Variants in DKKL1 observed in about 807,000 individuals in gnomAD.
DKKL1 encodes dickkopf like acrosomal protein 1, also known as dickkopf-like protein 1.
In DKKL1, 11 loss-of-function variants were observed where a neutral mutation model predicts 16.5. The observed-to-expected ratio is 0.67, with a 90% CI of 0.42 to 1.10. The LOEUF is 1.10. DKKL1 is among the 50% of genes least tolerant of loss of function. DKKL1 has a pLI of 0.00. For missense variants in DKKL1, 320 were observed against 308.1 expected (o/e 1.04, Z -0.29); for synonymous variants, 119 against 133.2 (o/e 0.89, Z 0.73).
At chr19:49,370,891 A>G (rs758165022) in intron 4 of DKKL1, 1 of 152,230 alleles carries the variant, frequency 6.6e-6, no homozygotes, top group African/African-American at 2.4e-5. Flanking sequence ...TTGCTTCGCC[A>G]TTCTTGTAGC....
chr19:49,365,718 C>T (rs1600833699), intron 3 of DKKL1, 69 bp downstream of exon 3: 1 of 1,598,390 alleles, frequency 6.3e-7, no homozygotes, highest in East Asian at 2.2e-5. Context: ...CCTCGTGCTG[C>T]AGTATCTGTT....
intron 4 of DKKL1, chr19:49,369,329 GTTTGTTT>G (rs1973382480): frequency 6.6e-6 from 1 of 151,670 alleles, no homozygotes; most frequent in Non-Finnish European, 1.5e-5. Flanking sequence ...ATTTTTTTTT[GTTTGTTT>G]TTTGTTTTTT....
At chr19:49,372,977 G>A (rs1467172753) in intron 4 of DKKL1, among the ~76,000 whole-genome samples, 5 of 151,678 alleles carry the variant, frequency 3.3e-5, no homozygotes, top group African/African-American at 1.2e-4. Context: ...CTACAGCCTG[G>A]GCAACAAGAG....
chr19:49,365,792 G>A lies in DKKL1; in HGVS notation c.325-1G>A, dbSNP rs1429419372. 6.2e-7 allele frequency: 1 copy of A among 1,613,724 alleles called. No individual in the cohort carries two copies. Among genetic ancestry groups the A allele is most frequent in the East Asian group, 2.2e-5 (1 of 44,872 alleles). ...CTCACTCTCTCATCGGATCCTCACA[G>A]ATGACCGACAACAAGACAGGAGAGG... On this transcript the variant is annotated splice_acceptor_variant, in intron 3 of 4. Transcript: ENST00000221498. LOFTEE classifies it high-confidence loss of function.
At chr19:49,373,425 G>A (rs1973587145) in intron 4 of DKKL1, among the ~76,000 whole-genome samples, 1 of 152,152 alleles carries the variant, frequency 6.6e-6, no homozygotes, top group Non-Finnish European at 1.5e-5. Flanking sequence ...GGTATTACAG[G>A]TTAGAATTTC....
chr19:49,374,666 C>A, intron 4 of DKKL1, 51 bp from the exon 5 acceptor site: 20 of 1,498,890 alleles, frequency 1.3e-5, no homozygotes, highest in Non-Finnish European at 1.8e-5. Context: ...GACTGACCAT[C>A]CTGGGGTGCT....
At chr19:49,372,569 C>T (rs1413350650) in intron 4 of DKKL1, among the ~76,000 whole-genome samples, 1 of 152,022 alleles carries the variant, frequency 6.6e-6, no homozygotes, top group Admixed American at 6.6e-5. Flanking sequence ...TGGCAGGCGC[C>T]TGTAGTCCCA....
At chr19:49,371,476 G>GT (rs1336263633) in intron 4 of DKKL1, among the ~76,000 whole-genome samples, 4 of 148,848 alleles carry the variant, frequency 2.7e-5, no homozygotes, top group South Asian at 2.1e-4. Context: ...TGTTTTACTA[G>GT]TTTTTTTTGG....
At chr19:49,362,630 G>A (rs1246745369), upstream of DKKL1, among the ~76,000 whole-genome samples, 2 of 152,072 alleles carry the variant, frequency 1.3e-5, no homozygotes, top group East Asian at 3.9e-4. Context: ...CGGACTCCAA[G>A]TCGGAGGGAA....
At chr19:49,370,750 A>G (rs925866313) in intron 4 of DKKL1, 2 of 152,180 alleles carry the variant, frequency 1.3e-5, no homozygotes, top group Non-Finnish European at 2.9e-5. Context: ...GGCCCCATGT[A>G]ATGTGAAGGC....
At chr19:49,368,157 C>T (rs530053189) in intron 4 of DKKL1, among the ~76,000 whole-genome samples, 89 of 151,972 alleles carry the variant, frequency 5.9e-4, no homozygotes, top group Non-Finnish European at 1.0e-3. Context: ...TACTAAAATA[C>T]GAAAAATTAG....
At chr19:49,360,621 GGT>G (rs1031688856), upstream of DKKL1, among the ~76,000 whole-genome samples, 51 of 152,154 alleles carry the variant, frequency 3.4e-4, 1 homozygote, top group East Asian at 9.7e-3. Flanking sequence ...GGGGAAGGAA[GGT>G]GTGGGTGAAA....
chr19:49,371,831 C>T (rs1973503875), intron 4 of DKKL1, among the ~76,000 whole-genome samples: 1 of 149,662 alleles, frequency 6.7e-6, no homozygotes, highest in Admixed American at 6.7e-5. Context: ...TCCATGTGTT[C>T]TCATTGTTCA....
At chr19:49,373,970 G>C (rs1973617381) in intron 4 of DKKL1, among the ~76,000 whole-genome samples, 1 of 151,630 alleles carries the variant, frequency 6.6e-6, no homozygotes, top group South Asian at 2.1e-4. Flanking sequence ...ACTCAAAGCT[G>C]TCCTTGAAAG....
At chr19:49,368,417 T>C (rs1376405534) in intron 4 of DKKL1, among the ~76,000 whole-genome samples, 2 of 150,670 alleles carry the variant, frequency 1.3e-5, no homozygotes, top group East Asian at 1.9e-4. Context: ...GACGAGGAGG[T>C]TGAGTCTAAA....
chr19:49,370,204 T>C (rs887812826), intron 4 of DKKL1: 6 of 152,212 alleles, frequency 3.9e-5, no homozygotes, highest in South Asian at 2.1e-4. Flanking sequence ...AAAGGTGCCA[T>C]GGAGGATCCT....
rs1352694561 is a variant in DKKL1, at chr19:49,374,908, A to T, written c.609A>T (p.Gly203=). Residue 203 remains glycine, a synonymous_variant, in exon 5 of 5, where the codon GGA becomes GGT. Transcript: ENST00000221498. ...ACCGCCTGCAGGCCATCCGGGATGG[A>T]CTCCGCAAGGGGACCCACAAGGACG... The part of the protein sequence containing the change: ...KRHRLQAIRD[G]LRKGTHKDVL... 1.8e-5 allele frequency: 29 copies of T among 1,613,796 alleles called. No individual in the cohort carries two copies. The highest frequency in any genetic ancestry group is 5.0e-5 in the Admixed American group (3 of 59,978).
chr19:49,374,712 C>G lies in DKKL1; in HGVS notation c.418-5C>G. 6.6e-7 allele frequency: 1 copy of G among 1,519,982 alleles called. No homozygotes were observed. Among genetic ancestry groups the G allele is most frequent in the Non-Finnish European group, 8.8e-7 (1 of 1,133,564 alleles). 94.2% of individuals were successfully genotyped at this position (1,519,982 alleles called of 1,614,324 possible). ...TGAGAGGGTCTCCTTGTTCTTCCTC[C>G]CCAGGTACCCAGGATGGAGGAGAAG... On this transcript the variant is annotated splice_region_variant and splice_polypyrimidine_tract_variant and intron_variant, in intron 4 of 4. Coordinates refer to ENST00000221498, the MANE Select transcript of DKKL1 (RefSeq NM_014419.4).
chr19:49,363,836 G>A, upstream of DKKL1: 1 of 1,005,720 alleles, frequency 9.9e-7, no homozygotes, highest in South Asian at 1.4e-5. Flanking sequence ...GACAATAGGG[G>A]CGTGGCTACG....
Sources: allele counts gnomAD v4.1 joint callset (sites outside exome capture counted in the v4.1 genomes callset), GRCh38; gene constraint gnomAD v4.1.1; transcripts MANE v1.5; gene names NCBI Gene and HGNC (gene_info 2026-07-23, HGNC 2026-07-21).